Variants in RCC2 observed in about 807,000 individuals in gnomAD.
The protein encoded by RCC2 is regulator of chromosome condensation 2.
RCC2 carries 19 observed loss-of-function variants against 64.1 expected under a neutral mutation model. The observed-to-expected ratio is 0.30, with a 90% CI of 0.21 to 0.44. The LOEUF (loss-of-function observed/expected upper bound fraction) is 0.44, where lower values mean the gene tolerates loss of function less well. Ranked by LOEUF, RCC2 falls within the 20% of genes least tolerant of loss-of-function variation. RCC2 has a pLI of 1.00. For synonymous variants in RCC2, 325 were observed against 279.6 expected (o/e 1.16, Z -1.62); for missense variants, 508 against 710.4 (o/e 0.72, Z 3.24).
intron 3 of RCC2, 107 bp from the exon 4 acceptor site, chr1:17,425,791 G>T: frequency 8.4e-7 from 1 of 1,186,192 alleles, no homozygotes; most frequent in Non-Finnish European, 1.2e-6. Context: ...AGGGACAGGT[G>T]TTCCTCGGGT....
intron 5 of RCC2, 93 bp from the exon 6 acceptor site, chr1:17,422,384 C>T (rs1055072797): frequency 8.3e-7 from 1 of 1,200,258 alleles, no homozygotes; most frequent in South Asian, 1.3e-5. Flanking sequence ...ATAAAAACAG[C>T]TCATTTGCCA....
At chr1:17,437,638 G>A (rs1323463810) in intron 2 of RCC2, among the ~76,000 whole-genome samples, 3 of 4,358 alleles carry the variant, frequency 6.9e-4, no homozygotes, top group Non-Finnish European at 1.9e-3. Flanking sequence ...CGCTCAGCCG[G>A]GGGGCTTCCC....
At chr1:17,431,359 A>AAAAATATATATATATATAT (rs1553158471) in intron 2 of RCC2, among the ~76,000 whole-genome samples, 1 of 44,930 alleles carries the variant, frequency 2.2e-5, no homozygotes, top group African/African-American at 1.1e-4. Flanking sequence ...AAAAAAAAAA[A>AAAAATATATATATATATAT]ATATATATAT....
intron 2 of RCC2, among the ~76,000 whole-genome samples, chr1:17,436,227 C>A (rs1481043333): frequency 1.3e-5 from 2 of 152,182 alleles, no homozygotes; most frequent in African/African-American, 4.8e-5. Flanking sequence ...TGCAACCCAA[C>A]ACAGGGCTCG....
intron 4 of RCC2, 35 bp downstream of exon 4, chr1:17,425,506 T>G (rs773513072): frequency 4.8e-5 from 75 of 1,554,088 alleles, no homozygotes; most frequent in Non-Finnish European, 6.4e-5. Context: ...CTGGTGACAG[T>G]GGTCCCCAGT....
At chr1:17,418,213 ATTTTTTT>A (rs751372153) in intron 7 of RCC2, among the ~76,000 whole-genome samples, 3 of 128,750 alleles carry the variant, frequency 2.3e-5, no homozygotes, top group Non-Finnish European at 4.9e-5. Flanking sequence ...AGCAGGTTCT[ATTTTTTT>A]TTTTTTTTTT....
intron 10 of RCC2, 61 bp downstream of exon 10, chr1:17,413,012 T>G (rs1570173861): frequency 3.2e-6 from 4 of 1,231,850 alleles, no homozygotes; most frequent in Admixed American, 1.8e-5. Context: ...ACCCCATGGG[T>G]GTGTCTGACA....
At chr1:17,431,518 A>AAG (rs1553158506) in intron 2 of RCC2, among the ~76,000 whole-genome samples, 38 of 144,772 alleles carry the variant, frequency 2.6e-4, no homozygotes, top group African/African-American at 5.8e-4. Flanking sequence ...AAAAAAAAAA[A>AAG]AAAGAAAGAA....
intron 2 of RCC2, among the ~76,000 whole-genome samples, chr1:17,431,157 C>G (rs2075671190): frequency 6.7e-6 from 1 of 149,088 alleles, no homozygotes; most frequent in East Asian, 2.0e-4. Context: ...ACGGTGAAAC[C>G]CCATCTCTAC....
intron 8 of RCC2, 110 bp downstream of exon 8, chr1:17,416,370 T>G: frequency 8.1e-7 from 1 of 1,234,206 alleles, no homozygotes; most frequent in Non-Finnish European, 1.1e-6. Flanking sequence ...AGCAAGCAGA[T>G]GTCTACCTGG....
At position 17,438,331 on chromosome 1, in the gene RCC2, C is replaced by A; in HGVS notation, c.184G>T (p.Ala62Ser). The change falls in exon 2 of 13, where the codon GCC becomes TCC. Residue 62 changes from alanine to serine, a missense_variant. Coordinates refer to ENST00000375436, the MANE Select transcript of RCC2 (RefSeq NM_018715.4). Reference sequence around the variant, plus strand: ...GCCGCGCGCTTGCCCCCGCCGGGGGCCCCGTCGAGCTCCAGGCCGTCCTCG... The same window carrying A: ...GCCGCGCGCTTGCCCCCGCCGGGGGACCCGTCGAGCTCCAGGCCGTCCTCG... Reference protein sequence around the residue: ...GDEDGLELDGAPGGGKRAARP... With the variant: ...GDEDGLELDGSPGGGKRAARP... 2 of 1,247,150 alleles carry A rather than the reference C, an allele frequency of 1.6e-6. No homozygotes were observed. The highest frequency in any genetic ancestry group is 1.0e-6 in the Non-Finnish European group (1 of 992,568). The allele number at this position is 1,247,150 out of a possible 1,614,324, so 77.3% of individuals were successfully genotyped here. A position where few individuals can be genotyped will look rare whatever the true frequency, so the allele number is the denominator to read the frequency against.
intron 10 of RCC2, among the ~76,000 whole-genome samples, chr1:17,412,718 T>C (rs2075440553): frequency 1.3e-5 from 2 of 152,206 alleles, no homozygotes; most frequent in Admixed American, 1.3e-4. Context: ...GCCAAGACAA[T>C]GTCGTCTTCC....
intron 2 of RCC2, among the ~76,000 whole-genome samples, chr1:17,436,474 C>T (rs2075736782): frequency 6.6e-6 from 1 of 152,158 alleles, no homozygotes; most frequent in South Asian, 2.1e-4. Context: ...TGCCACTGCA[C>T]TCCAGCCTGG....
chr1:17,417,644 C>A (rs2075502619), intron 7 of RCC2, among the ~76,000 whole-genome samples: 1 of 152,062 alleles, frequency 6.6e-6, no homozygotes. Flanking sequence ...GATCATGCCA[C>A]TGCACTCCAG....
intron 2 of RCC2, among the ~76,000 whole-genome samples, chr1:17,430,918 A>C (rs1184863656): frequency 6.6e-6 from 1 of 151,004 alleles, no homozygotes; most frequent in African/African-American, 2.4e-5. Context: ...GGGTTTCACT[A>C]TGTTGGCCAG....
chr1:17,408,800 A>C lies in RCC2; in HGVS notation c.*290T>G, dbSNP rs1241554669. ...AGAAAGAAAAAACTTAAAAAAAAAA[A>C]AAACCTAGATTGCTCAAAGTTTCTG... is the stretch of plus-strand genomic sequence containing the variant. On this transcript the variant is annotated 3_prime_UTR_variant, in exon 13 of 13. Transcript: ENST00000375436. 1.9e-4 allele frequency: 66 copies of C among 344,644 alleles called. No individual in the cohort carries two copies. In the South Asian group the frequency reaches 2.5e-3, roughly 13 times the overall value. 21.3% of individuals were successfully genotyped at this position (344,644 alleles called of 1,614,324 possible). A position where few individuals can be genotyped will look rare whatever the true frequency, so the allele number is the denominator to read the frequency against.
At chr1:17,414,461 C>A (rs999760826) in intron 8 of RCC2, among the ~76,000 whole-genome samples, 1 of 146,334 alleles carries the variant, frequency 6.8e-6, no homozygotes, top group African/African-American at 2.5e-5. Flanking sequence ...ACCTGGGAGG[C>A]GGAGGCTGCA....
chr1:17,418,379 C>A (rs1002873266), intron 7 of RCC2, among the ~76,000 whole-genome samples: 2 of 152,186 alleles, frequency 1.3e-5, no homozygotes, highest in Non-Finnish European at 2.9e-5. Flanking sequence ...AGGGTCTTGG[C>A]CGGGCGCGGT....
chr1:17,419,315 C>T (rs1299434767), intron 7 of RCC2, among the ~76,000 whole-genome samples: 1 of 152,186 alleles, frequency 6.6e-6, no homozygotes, highest in African/African-American at 2.4e-5. Context: ...ACTGAGATCA[C>T]ACCACTGCAC....
Sources: allele counts gnomAD v4.1 joint callset (sites outside exome capture counted in the v4.1 genomes callset), GRCh38; gene constraint gnomAD v4.1.1; transcripts MANE v1.5; gene names NCBI Gene and HGNC (gene_info 2026-07-23, HGNC 2026-07-21).